The following STARD13 variants were observed in gnomAD, a reference collection of about 807,000 sequenced individuals.
STARD13 encodes StAR related lipid transfer domain containing 13.
STARD13 carries 62 observed loss-of-function variants against 106.4 expected under a neutral mutation model. The observed-to-expected ratio is 0.58, with a 90% CI of 0.48 to 0.72. The LOEUF (loss-of-function observed/expected upper bound fraction) is 0.72, where lower values mean the gene tolerates loss of function less well. Among genes scored for constraint, STARD13 ranks in the 30% least tolerant of loss-of-function variants. The pLI is 0.00. For missense variants in STARD13, 1,387 were observed against 1,424.0 expected, an observed-to-expected ratio of 0.97 and a Z score of 0.42; for synonymous variants, 565 against 553.0, an observed-to-expected ratio of 1.02 and a Z score of -0.31.
chr13:33,361,208 A>T, the STARD13 span, among the ~76,000 whole-genome samples: 5 of 151,488 alleles, frequency 3.3e-5, no homozygotes, highest in South Asian at 2.1e-4. Context: ...ACCCTCTTTT[A>T]TTCTTCCTTC....
chr13:33,524,698 G>T, the STARD13 span, among the ~76,000 whole-genome samples: 1 of 151,828 alleles, frequency 6.6e-6, no homozygotes, highest in South Asian at 2.1e-4. Context: ...GGTATTTTAT[G>T]TATTTATTAT....
At chr13:33,302,440 A>C (rs1892756120) in intron 1 of STARD13, among the ~76,000 whole-genome samples, 1 of 152,082 alleles carries the variant, frequency 6.6e-6, no homozygotes, top group Admixed American at 6.6e-5. Context: ...TTTTGAGACA[A>C]GGTCTCACTC....
At chr13:33,500,673 G>A in the STARD13 span, among the ~76,000 whole-genome samples, 1 of 152,248 alleles carries the variant, frequency 6.6e-6, no homozygotes, top group African/African-American at 2.4e-5. Flanking sequence ...AGACTGTGAT[G>A]ACTTCTAACA....
intron 1 of STARD13, among the ~76,000 whole-genome samples, chr13:33,195,825 C>T (rs1257776295): frequency 1.3e-5 from 2 of 152,128 alleles, no homozygotes; most frequent in Admixed American, 6.5e-5. Flanking sequence ...AGTTAATAAA[C>T]CCTCTGAGCC....
chr13:33,129,935 T>A lies in STARD13; in HGVS notation c.742A>T (p.Asn248Tyr). ...GCCCTAGCCCTCGTGGGCTTCTCAT[T>A]CTTGGGGTGGAAGGGGTGGTTGAGG... is the stretch of plus-strand genomic sequence containing the variant. ...DVLNHPFHPKNEKPTRARAKS... is the reference protein window; with the variant it reads ...DVLNHPFHPKYEKPTRARAKS... Residue 248 changes from asparagine to tyrosine, a missense_variant, in exon 5 of 14, where the codon AAT becomes TAT. Transcript: ENST00000336934. 1 of 1,613,408 alleles carries A rather than the reference T, an allele frequency of 6.2e-7. No individual in the cohort carries two copies. Among genetic ancestry groups the A allele is most frequent in the Non-Finnish European group, 8.5e-7 (1 of 1,179,946 alleles).
chr13:33,211,829 G>A (rs940851350), intron 1 of STARD13, among the ~76,000 whole-genome samples: 16 of 64,864 alleles, frequency 2.5e-4, no homozygotes, highest in African/African-American at 3.3e-4. Flanking sequence ...GTGTGTGTAT[G>A]TGTGTGTGTG....
intron 1 of STARD13, among the ~76,000 whole-genome samples, chr13:33,323,302 C>A (rs776001248): frequency 6.6e-6 from 1 of 152,174 alleles, no homozygotes; most frequent in African/African-American, 2.4e-5. Flanking sequence ...CTAACCCTTT[C>A]TCCTATGGAA....
chr13:33,134,006 A>T (rs972617670), intron 4 of STARD13, among the ~76,000 whole-genome samples: 1 of 152,214 alleles, frequency 6.6e-6, no homozygotes, highest in Non-Finnish European at 1.5e-5. Flanking sequence ...TAAAATGGAA[A>T]TCTCTAGGAG....
rs74960991 is a variant in STARD13 at position 33,293,743 on chromosome 13, G to C, written c.124+56547C>G. Among the ~76,000 whole-genome samples the C allele has an allele frequency of 7.3e-3, 1,115 of 152,280 alleles. 9 individuals are homozygous for C. The highest frequency in any genetic ancestry group is 0.025 in the African/African-American group (1,048 of 41,552). The stretch of plus-strand genomic sequence containing the variant: ...GAATATAAAGCAGGCAGAAAAACGT[G>C]AAAGGAAAAGGCGAGACTGGCCTAG... On this transcript the variant is annotated intron_variant, in intron 1 of 5. Transcript: ENST00000567873.
At chr13:33,111,172 A>G (rs1874503512) in intron 10 of STARD13, among the ~76,000 whole-genome samples, 1 of 152,088 alleles carries the variant, frequency 6.6e-6, no homozygotes, top group South Asian at 2.1e-4. Flanking sequence ...CTTTTATTTT[A>G]CCTTTACTGT....
At chr13:33,609,952 C>G in the STARD13 span, among the ~76,000 whole-genome samples, 2 of 152,070 alleles carry the variant, frequency 1.3e-5, no homozygotes, top group East Asian at 3.8e-4. Flanking sequence ...TAATTGTATT[C>G]TTTGTAATTT....
At chr13:33,631,486 A>T in the STARD13 span, among the ~76,000 whole-genome samples, 1 of 152,230 alleles carries the variant, frequency 6.6e-6, no homozygotes, top group Non-Finnish European at 1.5e-5. Flanking sequence ...ATATGGTTTC[A>T]TCTTCTTGGT....
At chr13:33,484,365 CA>C in the STARD13 span, among the ~76,000 whole-genome samples, 16 of 152,262 alleles carry the variant, frequency 1.1e-4, no homozygotes, top group Middle Eastern at 3.4e-3. Flanking sequence ...GTAACTTCCC[CA>C]ATTACTCCTA....
the STARD13 span, among the ~76,000 whole-genome samples, chr13:33,560,965 T>A: frequency 6.6e-6 from 1 of 151,536 alleles, no homozygotes; most frequent in African/African-American, 2.4e-5. Flanking sequence ...GCATATTTTT[T>A]AAATCCCTTC....
the STARD13 span, among the ~76,000 whole-genome samples, chr13:33,517,544 A>C: frequency 3.9e-5 from 6 of 152,278 alleles, no homozygotes; most frequent in East Asian, 1.2e-3. Flanking sequence ...TACATCCAGT[A>C]AGACAGTTCT....
chr13:33,195,723 A>C (rs1886566640), intron 1 of STARD13, among the ~76,000 whole-genome samples: 1 of 152,186 alleles, frequency 6.6e-6, no homozygotes, highest in Admixed American at 6.5e-5. Context: ...CCAAGCCCTA[A>C]GTGAAGGAAG....
the STARD13 span, among the ~76,000 whole-genome samples, chr13:33,405,427 C>T: frequency 4.4e-4 from 67 of 152,350 alleles, no homozygotes; most frequent in African/African-American, 1.6e-3. Flanking sequence ...GGAGCCATTC[C>T]TTGTGTTCAC....
intron 1 of STARD13, among the ~76,000 whole-genome samples, chr13:33,224,279 GC>G (rs1338506054): frequency 6.6e-6 from 1 of 152,164 alleles, no homozygotes; most frequent in Non-Finnish European, 1.5e-5. Context: ...GTTGCCACAA[GC>G]CCCAGCTGTA....
the STARD13 span, among the ~76,000 whole-genome samples, chr13:33,574,642 T>A: frequency 6.6e-6 from 1 of 152,022 alleles, no homozygotes; most frequent in Non-Finnish European, 1.5e-5. Flanking sequence ...CTTGGGAGCC[T>A]GAGGAGGGAG....
Sources: gnomAD v4.1 joint callset for allele counts (sites outside exome capture counted in the v4.1 genomes callset) on GRCh38, gnomAD v4.1.1 for gene constraint, MANE v1.5 for transcripts, NCBI Gene and HGNC (gene_info 2026-07-23, HGNC 2026-07-21) for gene names.